The following ATP2C1 variants were observed in gnomAD, a reference collection of about 807,000 sequenced individuals.
ATP2C1 encodes calcium-transporting ATPase type 2C member 1.
Under a neutral mutation model 120.5 loss-of-function variants are expected in ATP2C1, and 31 were observed. The observed-to-expected ratio is 0.26, with a 90% CI of 0.19 to 0.35. ATP2C1 has a LOEUF of 0.35. Ranked by LOEUF, ATP2C1 falls within the 10% of genes least tolerant of loss-of-function variation. ATP2C1 has a pLI of 1.00. For synonymous variants in ATP2C1, 351 were observed against 358.7 expected, an observed-to-expected ratio of 0.98 and a Z score of 0.24; for missense variants, 731 against 1,107.5, an observed-to-expected ratio of 0.66 and a Z score of 4.83.
At chr3:130,987,047 C>G (rs2062053817) in intron 20 of ATP2C1, among the ~76,000 whole-genome samples, 1 of 151,556 alleles carries the variant, frequency 6.6e-6, no homozygotes, top group Non-Finnish European at 1.5e-5. Flanking sequence ...CCAAGCTATC[C>G]TCTGCCTTAG....
chr3:130,973,090 A>T (rs1382242816), intron 17 of ATP2C1, among the ~76,000 whole-genome samples: 3 of 152,196 alleles, frequency 2.0e-5, no homozygotes, highest in Admixed American at 2.0e-4. Context: ...ACAAATACAG[A>T]AGATCCAGTA....
chr3:130,940,874 G>A (rs1257013654), intron 7 of ATP2C1, among the ~76,000 whole-genome samples, 183 bp downstream of exon 7: 3 of 146,034 alleles, frequency 2.1e-5, no homozygotes, highest in African/African-American at 7.6e-5. Flanking sequence ...TTTAAAATCC[G>A]AGATTCTAGA....
At chr3:130,977,035 T>C (rs963628097) in intron 18 of ATP2C1, among the ~76,000 whole-genome samples, 4 of 152,084 alleles carry the variant, frequency 2.6e-5, no homozygotes, top group African/African-American at 9.7e-5. Context: ...CCACCTCAGC[T>C]AGGGAAAGAG....
intron 9 of ATP2C1, among the ~76,000 whole-genome samples, chr3:130,954,687 A>C (rs981393011): frequency 6.6e-6 from 1 of 152,036 alleles, no homozygotes; most frequent in African/African-American, 2.4e-5. Context: ...GCATTTCACC[A>C]TGTGGGCCAG....
intron 18 of ATP2C1, among the ~76,000 whole-genome samples, chr3:130,976,376 TTC>T (rs2061529109): frequency 6.6e-6 from 1 of 152,082 alleles, no homozygotes; most frequent in Non-Finnish European, 1.5e-5. Context: ...GCCATTGCCC[TTC>T]TCTCTGAACC....
chr3:130,873,017 G>C (rs2068485386), intron 1 of ATP2C1, among the ~76,000 whole-genome samples: 1 of 152,166 alleles, frequency 6.6e-6, no homozygotes. Flanking sequence ...TATTGACTAA[G>C]AGTGACTAAG....
At chr3:130,972,289 C>G (rs2061350589) in intron 17 of ATP2C1, among the ~76,000 whole-genome samples, 1 of 152,108 alleles carries the variant, frequency 6.6e-6, no homozygotes, top group Admixed American at 6.5e-5. Flanking sequence ...ATGGACTGTA[C>G]TGGTCCACTG....
chr3:130,911,629 A>G lies in ATP2C1; in HGVS notation c.6+16854A>G, dbSNP rs895039871. Among the ~76,000 whole-genome samples the G allele has an allele frequency of 5.9e-5, 9 of 152,202 alleles. No individual in the cohort carries two copies. The South Asian group carries it at 8.3e-4, about 14-fold the overall frequency. Reference sequence around the variant, plus strand: ...ATACAAACAAATGGAAGAACATTCCATGCTCATGGGTAGGAAGAATCAATA... The same window carrying G: ...ATACAAACAAATGGAAGAACATTCCGTGCTCATGGGTAGGAAGAATCAATA... On this transcript the variant is annotated intron_variant, in intron 2 of 27. Coordinates refer to ENST00000510168, the MANE Select transcript of ATP2C1 (RefSeq NM_001378687.1).
chr3:130,993,911 CT>C lies in ATP2C1; in HGVS notation c.1891-20del. On this transcript the variant is annotated intron_variant, in intron 21 of 27. Coordinates refer to ENST00000510168, the MANE Select transcript of ATP2C1 (RefSeq NM_001378687.1). The stretch of plus-strand genomic sequence containing the variant: ...TTTTATCAAAATTCCTTCCTCTCCC[CT>C]GTCCTCTGCTCCACTCTAGTCGCTA... 6.2e-7 allele frequency: 1 copy of C among 1,613,952 alleles called. No individual in the cohort carries two copies. Among genetic ancestry groups the C allele is most frequent in the South Asian group, 1.1e-5 (1 of 91,080 alleles).
intron 1 of ATP2C1, among the ~76,000 whole-genome samples, chr3:130,879,818 G>C (rs2068726547): frequency 6.6e-6 from 1 of 152,164 alleles, no homozygotes; most frequent in Non-Finnish European, 1.5e-5. Flanking sequence ...CAACATCAGT[G>C]GTGTCTGCAA....
At chr3:130,876,744 A>G (rs2068617368) in intron 1 of ATP2C1, among the ~76,000 whole-genome samples, 1 of 152,128 alleles carries the variant, frequency 6.6e-6, no homozygotes, top group South Asian at 2.1e-4. Flanking sequence ...TCAATTCATG[A>G]GCATAGGATG....
At chr3:130,939,001 A>G (rs1046633254) in intron 6 of ATP2C1, among the ~76,000 whole-genome samples, 1 of 152,236 alleles carries the variant, frequency 6.6e-6, no homozygotes, top group East Asian at 1.9e-4. Flanking sequence ...TATGTTTATG[A>G]TAGGTACATT....
rs1228567273 is a variant in ATP2C1 at position 130,992,397 on chromosome 3, G to A, written c.1840-554G>A. Reference sequence around the variant, plus strand: ...AAACGATTTTAGATCAGGAGATGGGGTCAGAAAAAAGGATTAAATATTTAT... The same window carrying A: ...AAACGATTTTAGATCAGGAGATGGGATCAGAAAAAAGGATTAAATATTTAT... On this transcript the variant is annotated intron_variant, in intron 20 of 27. Coordinates refer to ENST00000510168, the MANE Select transcript of ATP2C1 (RefSeq NM_001378687.1). Among the ~76,000 whole-genome samples, 3 of 152,044 alleles carry A rather than the reference G, an allele frequency of 2.0e-5. No individual in the cohort carries two copies. In the South Asian group the frequency reaches 6.2e-4, roughly 31 times the overall value.
Position 130,870,731 on chromosome 3 carries a change from T to C in ATP2C1, c.108+19803T>C, listed in dbSNP as rs2068402485. On this transcript the variant is annotated intron_variant, in intron 1 of 26. Coordinates refer to the ATP2C1 transcript ENST00000504381. ...GATAGAACCTATTGCTGGGTAGATA[T>C]GCTGTGAACATTGTTGAAATGATGA... Among the ~76,000 whole-genome samples, 5 of 152,326 alleles carry C rather than the reference T, an allele frequency of 3.3e-5. No homozygotes were observed. In the South Asian group the frequency reaches 1.0e-3, roughly 32 times the overall value.
intron 10 of ATP2C1, 88 bp downstream of exon 10, chr3:130,955,168 A>G (rs1175504981): frequency 1.6e-5 from 14 of 902,242 alleles, no homozygotes; most frequent in Non-Finnish European, 2.6e-5. Flanking sequence ...TTTATATACT[A>G]TTGAGAGCAA....
intron 18 of ATP2C1, among the ~76,000 whole-genome samples, chr3:130,975,789 G>A (rs556988859): frequency 6.6e-6 from 1 of 152,300 alleles, no homozygotes; most frequent in East Asian, 1.9e-4. Context: ...AGGTAAAATG[G>A]TGTTACTCTC....
At chr3:130,915,528 T>C (rs73869003) in intron 2 of ATP2C1, among the ~76,000 whole-genome samples, 5,691 of 152,322 alleles carry the variant, frequency 0.037, 329 homozygotes, top group African/African-American at 0.12. Context: ...GAGTACCAGC[T>C]ATATGCCAGG....
chr3:130,855,444 G>T (rs2067805599), intron 1 of ATP2C1, among the ~76,000 whole-genome samples: 1 of 152,148 alleles, frequency 6.6e-6, no homozygotes, highest in African/African-American at 2.4e-5. Flanking sequence ...GCAGGTGAGG[G>T]TAAGAGATGG....
chr3:130,979,301 G>A lies in ATP2C1; in HGVS notation c.1623G>A (p.Leu541=), dbSNP rs61731516. Residue 541 remains leucine, a synonymous_variant, in exon 19 of 28, where the codon TTG becomes TTA. Transcript: ENST00000510168. The part of the protein sequence containing the change: ...PELGQLTFLG[L]VGIIDPPRTG... Reference sequence around the variant, plus strand: ...TGGGACAGCTGACATTTCTTGGCTTGGTGGGAATCATTGATCCACCTAGAA... The same window carrying A: ...TGGGACAGCTGACATTTCTTGGCTTAGTGGGAATCATTGATCCACCTAGAA... 1.2e-6 allele frequency: 2 copies of A among 1,613,420 alleles called. No individual in the cohort carries two copies. Among genetic ancestry groups the A allele is most frequent in the Non-Finnish European group, 1.7e-6 (2 of 1,179,744 alleles).
Sources: gnomAD v4.1 joint callset for allele counts (sites outside exome capture counted in the v4.1 genomes callset) on GRCh38, gnomAD v4.1.1 for gene constraint, MANE v1.5 for transcripts, NCBI Gene and HGNC (gene_info 2026-07-23, HGNC 2026-07-21) for gene names.